FMNL3: variants seen among roughly 807,000 people sequenced by gnomAD.
FMNL3 encodes formin-like protein 3.
FMNL3 carries 57 observed loss-of-function variants against 119.6 expected under a neutral mutation model. The ratio of observed to expected loss-of-function variants is 0.48; its 90% CI spans 0.39 to 0.59. The LOEUF is 0.59. FMNL3 is among the 20% of genes least tolerant of loss of function. The probability of loss-of-function intolerance (pLI) is 0.00; values close to 1 mark genes in which losing one functional copy is unlikely to be tolerated. For missense variants in FMNL3, 1,053 were observed against 1,323.5 expected (o/e 0.80, Z 3.17); for synonymous variants, 491 against 507.3 (o/e 0.97, Z 0.43).
intron 22 of FMNL3, 129 bp downstream of exon 22, chr12:49,648,064 G>A (rs1592638053): frequency 8.3e-6 from 10 of 1,205,340 alleles, no homozygotes; most frequent in African/African-American, 1.6e-5. Context: ...CTCCCAAAGC[G>A]CTCTCTCTCC....
chr12:49,655,800 A>C (rs1592649687), intron 9 of FMNL3, among the ~76,000 whole-genome samples: 1 of 152,092 alleles, frequency 6.6e-6, no homozygotes, highest in South Asian at 2.1e-4. Flanking sequence ...AAGAGGTCCA[A>C]AGAAGAGGAA....
chr12:49,687,404 T>A (rs979622338), intron 1 of FMNL3, among the ~76,000 whole-genome samples: 34 of 151,970 alleles, frequency 2.2e-4, no homozygotes, highest in African/African-American at 8.0e-4. Flanking sequence ...TCTCTCTTAT[T>A]TTTTAAGAGA....
intron 1 of FMNL3, among the ~76,000 whole-genome samples, chr12:49,696,726 A>G (rs1944761120): frequency 6.6e-6 from 1 of 152,238 alleles, no homozygotes; most frequent in Non-Finnish European, 1.5e-5. Flanking sequence ...AGGATCCTTA[A>G]TCAAAGTTAA....
chr12:49,701,761 T>C (rs1436859014), intron 1 of FMNL3, among the ~76,000 whole-genome samples: 3 of 151,988 alleles, frequency 2.0e-5, no homozygotes, highest in Non-Finnish European at 2.9e-5. Flanking sequence ...CCGTCTCTAC[T>C]AAAAACACAA....
rs1565842537 is a variant in FMNL3, at chr12:49,639,025, T to A, written c.*6790A>T. On this transcript the variant is annotated 3_prime_UTR_variant, in exon 26 of 26. Coordinates refer to ENST00000335154, the MANE Select transcript of FMNL3 (RefSeq NM_175736.5). ...TACCATTAGGTAAGATGTATCATAC[T>A]GTCCTGAGGTATCCTCTCTTTCTCT... The A allele has an allele frequency of 6.6e-6, 1 of 152,248 alleles. No homozygotes were observed. The highest frequency in any genetic ancestry group is 1.5e-5 in the Non-Finnish European group (1 of 68,042). The allele number at this position is 152,248 out of a possible 1,614,324, so 9.4% of individuals were successfully genotyped here.
At chr12:49,691,138 T>G (rs1444097338) in intron 1 of FMNL3, among the ~76,000 whole-genome samples, 1 of 152,252 alleles carries the variant, frequency 6.6e-6, no homozygotes, top group East Asian at 1.9e-4. Context: ...GGTGAGCTAT[T>G]TAACCTACCT....
rs530958029 is a variant in FMNL3, at chr12:49,674,381, C to T, written c.127-5827G>A. 1.0e-3 allele frequency among the ~76,000 whole-genome samples: 154 copies of T among 152,342 alleles called. 1 individual carries two copies. Among genetic ancestry groups the T allele is most frequent in the African/African-American group, 3.1e-3 (128 of 41,578 alleles). Reference sequence around the variant, plus strand: ...CTTCAGCTGTACCACCCCACCACCACACCAAAGCACTCAAGAATATAAAGG... The same window carrying T: ...CTTCAGCTGTACCACCCCACCACCATACCAAAGCACTCAAGAATATAAAGG... On this transcript the variant is annotated intron_variant, in intron 1 of 25. Transcript: ENST00000335154.
At chr12:49,692,182 G>A (rs1944624417) in intron 1 of FMNL3, among the ~76,000 whole-genome samples, 1 of 151,608 alleles carries the variant, frequency 6.6e-6, no homozygotes, top group Non-Finnish European at 1.5e-5. Context: ...GCAAGACCCT[G>A]TCTATTCAAA....
chr12:49,707,367 C>A lies in FMNL3; in HGVS notation c.-187G>T. On this transcript the variant is annotated 5_prime_UTR_variant, in exon 1 of 26. Transcript: ENST00000335154. ...GGGCGCGCGGCGAGGGCGGAGGCAG[C>A]GTAGCGGACAGCCGCACCGAAGCAA... 1 of 456,094 alleles carries A rather than the reference C, an allele frequency of 2.2e-6. No homozygotes were observed. The allele number at this position is 456,094 out of a possible 1,614,324, so 28.3% of individuals were successfully genotyped here. A position where few individuals can be genotyped will look rare whatever the true frequency, so the allele number is the denominator to read the frequency against.
chr12:49,657,415 T>C (rs151196694), intron 6 of FMNL3, among the ~76,000 whole-genome samples: 2,246 of 152,190 alleles, frequency 0.015, 57 homozygotes, highest in African/African-American at 0.05. Context: ...AGGATCCCGG[T>C]TTTATAACCA....
At chr12:49,670,800 G>A (rs556562405) in intron 1 of FMNL3, among the ~76,000 whole-genome samples, 55 of 152,314 alleles carry the variant, frequency 3.6e-4, no homozygotes, top group East Asian at 2.5e-3. Flanking sequence ...CAGCATACCC[G>A]TGTGGACAGC....
Position 49,641,891 on chromosome 12 carries a change from C to A in FMNL3, c.*3924G>T. ...AGGCACGTGGTGCCCCTGCTTCATG[C>A]ACTGCTGTACCCACAGGACCGGGGC... On this transcript the variant is annotated 3_prime_UTR_variant, in exon 26 of 26. Coordinates refer to ENST00000335154, the MANE Select transcript of FMNL3 (RefSeq NM_175736.5). 6.2e-7 allele frequency: 1 copy of A among 1,609,292 alleles called. No homozygotes were observed. The highest frequency in any genetic ancestry group is 8.5e-7 in the Non-Finnish European group (1 of 1,177,334).
At chr12:49,650,596 C>A (rs1943365614) in intron 17 of FMNL3, 80 bp downstream of exon 17, 2 of 1,515,194 alleles carry the variant, frequency 1.3e-6, no homozygotes, top group Admixed American at 1.8e-5. Flanking sequence ...GACCTGGAAT[C>A]TAGGGAAACC....
Position 49,651,957 on chromosome 12 carries a change from G to T in FMNL3, c.1579C>A (p.Pro527Thr), listed in dbSNP as rs1372682008. The T allele has an allele frequency of 6.2e-7, 1 of 1,600,396 alleles. No individual in the cohort carries two copies. Among genetic ancestry groups the T allele is most frequent in the East Asian group, 2.2e-5 (1 of 44,484 alleles). The part of the protein sequence containing the change: ...PLPPPPAPPL[P>T]PPPPPLPDKC... ...CCTGGTAATGGGGGAGGTGGAGGGGGCAAGGGCGGAGCTGGTGGTGGAGGA... is the reference window on the plus strand; with the variant it reads ...CCTGGTAATGGGGGAGGTGGAGGGGTCAAGGGCGGAGCTGGTGGTGGAGGA... Residue 527 changes from proline to threonine, a missense_variant, in exon 14 of 26, where the codon CCC (proline) becomes ACC (threonine). Physicochemically the swap from Pro to Thr is conservative, Grantham distance 38. Coordinates refer to ENST00000335154, the MANE Select transcript of FMNL3 (RefSeq NM_175736.5).
rs754157694 is a variant in FMNL3, at chr12:49,654,186, G to A, written c.1071+6C>T. ...CCTCACCTTACAAGGACCCCAGCCA[G>A]CTCACCTGCAGGAACTCCTCTAGCC... is the stretch of plus-strand genomic sequence containing the variant. On this transcript the variant is annotated splice_donor_region_variant and intron_variant, in intron 11 of 25. Coordinates refer to ENST00000335154, the MANE Select transcript of FMNL3 (RefSeq NM_175736.5). The A allele has an allele frequency of 5.6e-6, 9 of 1,612,700 alleles. No homozygotes were observed. In the Admixed American group the frequency reaches 1.5e-4, roughly 27 times the overall value.
At chr12:49,673,886 C>T (rs1565884713) in intron 1 of FMNL3, among the ~76,000 whole-genome samples, 1 of 152,210 alleles carries the variant, frequency 6.6e-6, no homozygotes, top group Non-Finnish European at 1.5e-5. Flanking sequence ...AAACTGCAAT[C>T]CTTTGTAAAA....
Position 49,668,540 on chromosome 12 carries a change from C to T in FMNL3, c.141G>A (p.Leu47=), listed in dbSNP as rs375626147. ...GCAGGAGCCGGGCCTTGTCTGGAGG[C>T]AGGTTCATGGAGCTCTGAGGAGAGA... ...RFALVLSSMN[L]PPDKARLLRQ... The change falls in exon 2 of 26, where the codon CTG becomes CTA. Residue 47 remains leucine (L), a synonymous_variant. Transcript: ENST00000335154. 2.5e-6 allele frequency: 4 copies of T among 1,614,008 alleles called. No homozygotes were observed. The highest frequency in any genetic ancestry group is 2.2e-5 in the East Asian group (1 of 44,886).
intron 1 of FMNL3, among the ~76,000 whole-genome samples, chr12:49,689,448 T>C (rs964422412): frequency 6.6e-6 from 1 of 152,180 alleles, no homozygotes; most frequent in African/African-American, 2.4e-5. Context: ...TCAAGAAATG[T>C]TCAGGCTAGG....
chr12:49,655,971 T>C (rs924687628), intron 9 of FMNL3, among the ~76,000 whole-genome samples: 1 of 152,024 alleles, frequency 6.6e-6, no homozygotes, highest in Non-Finnish European at 1.5e-5. Context: ...TTGCTTACCT[T>C]CTCCTCCCAT....
Sources: allele counts gnomAD v4.1 joint callset (sites outside exome capture counted in the v4.1 genomes callset), GRCh38; gene constraint gnomAD v4.1.1; transcripts MANE v1.5; gene names NCBI Gene and HGNC (gene_info 2026-07-23, HGNC 2026-07-21).